PDSS2: variants seen among roughly 807,000 people sequenced by gnomAD.
The protein encoded by PDSS2 is all trans-polyprenyl-diphosphate synthase PDSS2.
In PDSS2, 31 loss-of-function variants were observed where a neutral mutation model predicts 44.5. The observed-to-expected ratio is 0.70, with a 90% CI of 0.52 to 0.94. PDSS2 has a LOEUF of 0.94. PDSS2 is among the 40% of genes least tolerant of loss of function. The probability of loss-of-function intolerance (pLI) is 0.00; values close to 1 mark genes in which losing one functional copy is unlikely to be tolerated. For missense variants in PDSS2, 452 were observed against 482.2 expected, an observed-to-expected ratio of 0.94 and a Z score of 0.59; for synonymous variants, 157 against 180.3, an observed-to-expected ratio of 0.87 and a Z score of 1.03.
At chr6:107,354,767 T>C (rs1436480375) in intron 1 of PDSS2, among the ~76,000 whole-genome samples, 1 of 152,120 alleles carries the variant, frequency 6.6e-6, no homozygotes, top group Non-Finnish European at 1.5e-5. Flanking sequence ...ATCCTTACCT[T>C]AAAAAAAGCT....
chr6:107,198,984 A>G (rs1272619177), intron 6 of PDSS2, among the ~76,000 whole-genome samples: 1 of 152,218 alleles, frequency 6.6e-6, no homozygotes. Context: ...TGACAGAATG[A>G]GACCCTGTCT....
intron 7 of PDSS2, among the ~76,000 whole-genome samples, chr6:107,157,746 C>T (rs1296784485): frequency 6.6e-6 from 1 of 151,996 alleles, no homozygotes; most frequent in Non-Finnish European, 1.5e-5. Flanking sequence ...TCTTGGCTCA[C>T]TGCAACCTCT....
intron 2 of PDSS2, among the ~76,000 whole-genome samples, chr6:107,323,075 C>A (rs577686078): frequency 9.9e-5 from 15 of 152,270 alleles, no homozygotes; most frequent in African/African-American, 3.4e-4. Context: ...CAGCTCTCAC[C>A]TATCATCTTA....
rs1367073652 is a variant in PDSS2 at position 107,152,628 on chromosome 6, C to T, written c.*1991G>A. ...TTGACTTTCAGGTCAACTTTTGAAT[C>T]TCATTGTACAGATGAGAAAATTGAG... On this transcript the variant is annotated 3_prime_UTR_variant, in exon 8 of 8. Coordinates refer to ENST00000369037, the MANE Select transcript of PDSS2 (RefSeq NM_020381.4). The T allele has an allele frequency of 6.6e-6, 1 of 151,534 alleles. No individual in the cohort carries two copies. Among genetic ancestry groups the T allele is most frequent in the Non-Finnish European group, 1.5e-5 (1 of 67,932 alleles). The allele number at this position is 151,534 out of a possible 1,614,324, so 9.4% of individuals were successfully genotyped here. A position where few individuals can be genotyped will look rare whatever the true frequency, so the allele number is the denominator to read the frequency against.
At chr6:107,403,315 C>G (rs756743390) in intron 1 of PDSS2, among the ~76,000 whole-genome samples, 2 of 152,212 alleles carry the variant, frequency 1.3e-5, no homozygotes, top group Non-Finnish European at 2.9e-5. Flanking sequence ...AGGCTCCCAC[C>G]GTCTTGGGCA....
chr6:107,334,028 G>C (rs1777794682), intron 2 of PDSS2, among the ~76,000 whole-genome samples, 170 bp downstream of exon 2: 1 of 152,104 alleles, frequency 6.6e-6, no homozygotes, highest in African/African-American at 2.4e-5. Context: ...TATGTGTAGA[G>C]TTGGCCAAGA....
At chr6:107,285,083 A>G (rs1040003946) in intron 2 of PDSS2, among the ~76,000 whole-genome samples, 1 of 152,190 alleles carries the variant, frequency 6.6e-6, no homozygotes, top group Non-Finnish European at 1.5e-5. Flanking sequence ...GGCTCTTTGC[A>G]TATCAATAGA....
intron 1 of PDSS2, among the ~76,000 whole-genome samples, chr6:107,442,018 T>C (rs1329061965): frequency 6.6e-6 from 1 of 152,198 alleles, no homozygotes; most frequent in East Asian, 1.9e-4. Context: ...AGTGCTGTAG[T>C]CTAGAGAAAC....
intron 7 of PDSS2, among the ~76,000 whole-genome samples, chr6:107,158,680 C>A (rs1554246148): frequency 6.6e-6 from 1 of 152,124 alleles, no homozygotes; most frequent in African/African-American, 2.4e-5. Flanking sequence ...CAGCCAGATT[C>A]AAACTCCTAT....
At chr6:107,310,626 A>G (rs1182973934) in intron 2 of PDSS2, among the ~76,000 whole-genome samples, 1 of 152,142 alleles carries the variant, frequency 6.6e-6, no homozygotes, top group African/African-American at 2.4e-5. Flanking sequence ...CCTAAAAATC[A>G]TTTACTACCG....
intron 7 of PDSS2, among the ~76,000 whole-genome samples, chr6:107,177,856 A>C (rs1771847660): frequency 6.6e-6 from 1 of 152,138 alleles, no homozygotes; most frequent in Non-Finnish European, 1.5e-5. Flanking sequence ...GACAAATACT[A>C]AGCTGGTTAT....
At chr6:107,376,332 A>C (rs1404672171) in intron 1 of PDSS2, among the ~76,000 whole-genome samples, 3 of 151,792 alleles carry the variant, frequency 2.0e-5, no homozygotes, top group Non-Finnish European at 4.4e-5. Context: ...GATGGCATTG[A>C]ATCTATAAAT....
intron 1 of PDSS2, among the ~76,000 whole-genome samples, chr6:107,424,321 T>C (rs1037785077): frequency 2.0e-5 from 3 of 152,168 alleles, no homozygotes; most frequent in African/African-American, 7.2e-5. Context: ...AGTGCTGGTA[T>C]TCAGGCATAA....
intron 4 of PDSS2, among the ~76,000 whole-genome samples, chr6:107,239,924 G>C (rs527314180): frequency 3.9e-5 from 6 of 152,130 alleles, no homozygotes; most frequent in African/African-American, 1.4e-4. Context: ...TTACAGGCGT[G>C]AGCCACCGTG....
At position 107,459,532 on chromosome 6, in the gene PDSS2, C is replaced by T. The variant is rs1782180815; in HGVS notation, c.-247G>A. The T allele has an allele frequency of 3.6e-6, 2 of 559,698 alleles. No individual in the cohort carries two copies. Among genetic ancestry groups the T allele is most frequent in the Non-Finnish European group, 6.4e-6 (2 of 314,058 alleles). The allele number at this position is 559,698 out of a possible 1,614,324, so 34.7% of individuals were successfully genotyped here. The stretch of plus-strand genomic sequence containing the variant: ...CCACCCGGGGTAGAAACCACAGCCA[C>T]TGCCTATGTGGAGGACGCCATATTG... On this transcript the variant is annotated 5_prime_UTR_variant, in exon 1 of 8. The change creates a new upstream start codon in the 5' untranslated region. Coordinates refer to ENST00000369037, the MANE Select transcript of PDSS2 (RefSeq NM_020381.4). The surrounding 1 kb of genome is among the most constrained non-coding windows in gnomAD (Gnocchi z 4.3).
chr6:107,368,380 T>C (rs1269243371), intron 1 of PDSS2, among the ~76,000 whole-genome samples: 5 of 151,924 alleles, frequency 3.3e-5, no homozygotes, highest in Non-Finnish European at 7.4e-5. Flanking sequence ...TTAAAAGAAG[T>C]GTAAAATTCG....
chr6:107,179,520 TCGCCCGCC>T (rs1442019225), intron 7 of PDSS2, among the ~76,000 whole-genome samples: 14 of 59,956 alleles, frequency 2.3e-4, no homozygotes, highest in African/African-American at 1.1e-3. Flanking sequence ...GCCTCGTGAT[TCGCCCGCC>T]TCGGCCTTCT....
intron 1 of PDSS2, among the ~76,000 whole-genome samples, chr6:107,366,080 G>A (rs1306421191): frequency 6.6e-6 from 1 of 152,102 alleles, no homozygotes; most frequent in Non-Finnish European, 1.5e-5. Context: ...TCCACACAAT[G>A]AGTGCAGAAT....
chr6:107,376,117 T>C (rs887990202), intron 1 of PDSS2, among the ~76,000 whole-genome samples: 4 of 152,250 alleles, frequency 2.6e-5, no homozygotes, highest in East Asian at 1.9e-4. Context: ...TTCCATTGAT[T>C]TATATTTCTG....
Sources: gnomAD v4.1 joint callset for allele counts (sites outside exome capture counted in the v4.1 genomes callset) on GRCh38, gnomAD v4.1.1 for gene constraint, Gnocchi (gnomAD v3.1) non-coding constraint, MANE v1.5 for transcripts, NCBI Gene and HGNC (gene_info 2026-07-23, HGNC 2026-07-21) for gene names.